Variants in LRRTM3 observed in about 807,000 individuals in gnomAD.
LRRTM3 encodes the protein leucine rich repeat transmembrane neuronal 3.
LRRTM3 carries 24 observed loss-of-function variants against 44.7 expected under a neutral mutation model. That is an observed-to-expected ratio of 0.54 (90% CI 0.39 to 0.76). The LOEUF (loss-of-function observed/expected upper bound fraction) is 0.76. Among genes scored for constraint, LRRTM3 ranks in the 30% least tolerant of loss-of-function variants. LRRTM3 has a pLI of 0.00. For synonymous variants in LRRTM3, 277 were observed against 278.7 expected, an observed-to-expected ratio of 0.99 and a Z score of 0.06; for missense variants, 587 against 702.2, an observed-to-expected ratio of 0.84 and a Z score of 1.85.
intron 2 of LRRTM3, among the ~76,000 whole-genome samples, chr10:67,095,578 A>G (rs1040632795): frequency 6.6e-5 from 10 of 151,870 alleles, no homozygotes; most frequent in African/African-American, 2.4e-4. Context: ...ACACACACAC[A>G]GAATAAATGT....
chr10:67,077,426 C>A (rs1011181345), intron 2 of LRRTM3, among the ~76,000 whole-genome samples: 17 of 152,162 alleles, frequency 1.1e-4, no homozygotes, highest in African/African-American at 3.9e-4. Flanking sequence ...CTGACCCAGT[C>A]CCTTTGCCCC....
intron 2 of LRRTM3, among the ~76,000 whole-genome samples, chr10:66,968,630 T>C (rs1440343310): frequency 6.6e-6 from 1 of 152,060 alleles, no homozygotes; most frequent in African/African-American, 2.4e-5. Context: ...TCAATACATA[T>C]TCATTAAAAG....
chr10:67,031,641 C>A (rs910907890), intron 2 of LRRTM3, among the ~76,000 whole-genome samples: 1 of 152,128 alleles, frequency 6.6e-6, no homozygotes, highest in Non-Finnish European at 1.5e-5. Context: ...GTTTGAAATA[C>A]GCCCATCAAC....
At chr10:66,936,631 C>G (rs1847712414) in intron 2 of LRRTM3, among the ~76,000 whole-genome samples, 1 of 152,236 alleles carries the variant, frequency 6.6e-6, no homozygotes, top group Admixed American at 6.5e-5. Flanking sequence ...AGTCATCGGA[C>G]AGATGGACTA....
intron 2 of LRRTM3, among the ~76,000 whole-genome samples, chr10:66,954,796 G>T (rs1207192827): frequency 6.6e-6 from 1 of 152,094 alleles, no homozygotes; most frequent in African/African-American, 2.4e-5. Flanking sequence ...AATTGTTCAA[G>T]TCTTTCCCAC....
intron 2 of LRRTM3, among the ~76,000 whole-genome samples, chr10:67,007,809 A>G (rs1852093246): frequency 1.3e-5 from 2 of 152,106 alleles, no homozygotes; most frequent in Non-Finnish European, 2.9e-5. Flanking sequence ...CTCAAAAGTT[A>G]CACATAACAT....
At chr10:67,074,277 G>T (rs147296772) in intron 2 of LRRTM3, among the ~76,000 whole-genome samples, 1 of 146,704 alleles carries the variant, frequency 6.8e-6, no homozygotes, top group African/African-American at 2.5e-5. Flanking sequence ...TGATCTGCCC[G>T]CCTTGGCCCC....
In LRRTM3 at chr10:67,004,035, T is replaced by C. The variant is rs1044301032; in HGVS notation, c.1536+75583T>C. Among the ~76,000 whole-genome samples, 5 of 152,094 alleles carry C rather than the reference T, an allele frequency of 3.3e-5. No homozygotes were observed. The East Asian group carries it at 7.7e-4, about 23-fold the overall frequency. ...TGAGTGGAGGTAATATTTGTGGACATTGAATCAAACCAGTTTTCTCACCTA... is the reference window on the plus strand; with the variant it reads ...TGAGTGGAGGTAATATTTGTGGACACTGAATCAAACCAGTTTTCTCACCTA... On this transcript the variant is annotated intron_variant, in intron 2 of 2. Coordinates refer to ENST00000361320, the MANE Select transcript of LRRTM3 (RefSeq NM_178011.5).
intron 2 of LRRTM3, among the ~76,000 whole-genome samples, chr10:66,946,409 TATAC>T (rs1322111104): frequency 6.6e-6 from 1 of 152,134 alleles, no homozygotes; most frequent in Non-Finnish European, 1.5e-5. Context: ...TGGCATATAA[TATAC>T]ATAGAGAAAA....
chr10:66,996,250 C>A (rs1396382282), intron 2 of LRRTM3, among the ~76,000 whole-genome samples: 1 of 152,108 alleles, frequency 6.6e-6, no homozygotes, highest in African/African-American at 2.4e-5. Flanking sequence ...AATTTTAACG[C>A]ATCTTGAATC....
At chr10:66,991,939 A>T (rs565676185) in intron 2 of LRRTM3, among the ~76,000 whole-genome samples, 1 of 152,160 alleles carries the variant, frequency 6.6e-6, no homozygotes, top group Non-Finnish European at 1.5e-5. Context: ...ATTAACCTTC[A>T]TACCTCCCCT....
At chr10:67,047,546 C>A (rs1490538943) in intron 2 of LRRTM3, among the ~76,000 whole-genome samples, 1 of 152,086 alleles carries the variant, frequency 6.6e-6, no homozygotes, top group East Asian at 1.9e-4. Context: ...CTTGTCTGAC[C>A]ACTTATCTAC....
chr10:66,930,799 A>G (rs1451265240), intron 2 of LRRTM3, among the ~76,000 whole-genome samples: 2 of 152,178 alleles, frequency 1.3e-5, no homozygotes, highest in African/African-American at 4.8e-5. Flanking sequence ...TTACTAATAA[A>G]CATAATAATA....
intron 2 of LRRTM3, among the ~76,000 whole-genome samples, chr10:66,975,687 T>C (rs943693278): frequency 6.6e-6 from 1 of 152,136 alleles, no homozygotes; most frequent in African/African-American, 2.4e-5. Flanking sequence ...CACAAGTTTA[T>C]CTGGTTCTCC....
At chr10:66,996,762 C>A (rs148781331) in intron 2 of LRRTM3, among the ~76,000 whole-genome samples, 2 of 147,968 alleles carry the variant, frequency 1.4e-5, no homozygotes, top group African/African-American at 5.0e-5. Context: ...AAAAAAATTT[C>A]TAAGGGTATG....
intron 2 of LRRTM3, among the ~76,000 whole-genome samples, chr10:67,077,398 T>C (rs1028879913): frequency 1.1e-4 from 17 of 152,192 alleles, no homozygotes; most frequent in African/African-American, 4.1e-4. Context: ...GTGGCCCTGA[T>C]GGCTTTTTGA....
At chr10:66,974,936 T>G in intron 2 of LRRTM3, among the ~76,000 whole-genome samples, 1 of 151,912 alleles carries the variant, frequency 6.6e-6, no homozygotes, top group Non-Finnish European at 1.5e-5. Context: ...CCAGTCCAGG[T>G]CAGCACAAGC....
intron 2 of LRRTM3, among the ~76,000 whole-genome samples, chr10:67,039,060 T>A (rs1017635048): frequency 2.4e-4 from 36 of 152,204 alleles, no homozygotes; most frequent in Non-Finnish European, 4.4e-4. Context: ...TCAGCAGATA[T>A]GTTCTCCTTT....
chr10:67,052,011 T>G (rs1422052448), intron 2 of LRRTM3, among the ~76,000 whole-genome samples: 1 of 152,052 alleles, frequency 6.6e-6, no homozygotes, highest in Non-Finnish European at 1.5e-5. Flanking sequence ...CACCTCAGCC[T>G]CCCAAAGTGC....
Sources: allele counts gnomAD v4.1 joint callset (sites outside exome capture counted in the v4.1 genomes callset), GRCh38; gene constraint gnomAD v4.1.1; transcripts MANE v1.5; gene names NCBI Gene and HGNC (gene_info 2026-07-23, HGNC 2026-07-21).